Variants in PALS2 observed in about 807,000 individuals in gnomAD.
PALS2 encodes the protein protein PALS2.
In PALS2, 27 loss-of-function variants were observed where a neutral mutation model predicts 61.6. The ratio of observed to expected loss-of-function variants is 0.44; its 90% CI spans 0.32 to 0.60. The LOEUF (loss-of-function observed/expected upper bound fraction) is 0.60, where lower values mean the gene tolerates loss of function less well. Ranked by LOEUF, PALS2 falls within the 20% of genes least tolerant of loss-of-function variation. The pLI, the probability that PALS2 is intolerant of heterozygous loss-of-function variation, is 0.05. For synonymous variants in PALS2, 236 were observed against 218.6 expected, an observed-to-expected ratio of 1.08 and a Z score of -0.70; for missense variants, 554 against 639.4, an observed-to-expected ratio of 0.87 and a Z score of 1.44.
intron 2 of PALS2, among the ~76,000 whole-genome samples, chr7:24,633,146 C>G (rs1785075727): frequency 6.6e-6 from 1 of 151,516 alleles, no homozygotes; most frequent in Non-Finnish European, 1.5e-5. Flanking sequence ...TTTATTTTAC[C>G]TTTTTTTTCT....
At position 24,637,052 on chromosome 7, in the gene PALS2, A is replaced by C. The variant is rs377545231; in HGVS notation, c.118-4664A>C. On this transcript the variant is annotated intron_variant, in intron 2 of 11. Transcript: ENST00000222644. ...GAATACTATTAAAGCCAAGCTTTTA[A>C]AATGTTGTTTTTTCTTTTAAAAATT... Among the ~76,000 whole-genome samples, 15 of 152,274 alleles carry C rather than the reference A, an allele frequency of 9.9e-5. 1 individual carries two copies. The highest frequency in any genetic ancestry group is 7.2e-4 in the Admixed American group (11 of 15,304).
rs181646070 is a variant in PALS2, at chr7:24,599,166, C to G, written c.-2-24500C>G. On this transcript the variant is annotated intron_variant, in intron 1 of 11. Coordinates refer to ENST00000222644, the MANE Select transcript of PALS2 (RefSeq NM_001303037.2). ...CTAACACACACATAGATGGTATAGTCTGTTATACATGTGGGCTATTTGGCC... is the reference window on the plus strand; with the variant it reads ...CTAACACACACATAGATGGTATAGTGTGTTATACATGTGGGCTATTTGGCC... Among the ~76,000 whole-genome samples, 255 of 152,242 alleles carry G rather than the reference C, an allele frequency of 1.7e-3. 2 individuals are homozygous for G. Among genetic ancestry groups the G allele is most frequent in the Non-Finnish European group, 2.9e-4 (20 of 68,026 alleles).
chr7:24,599,161 A>T (rs748889213), intron 1 of PALS2, among the ~76,000 whole-genome samples: 2 of 152,154 alleles, frequency 1.3e-5, no homozygotes, highest in African/African-American at 4.8e-5. Context: ...CATAGATGGT[A>T]TAGTCTGTTA....
chr7:24,640,838 C>G (rs936452646), intron 2 of PALS2, among the ~76,000 whole-genome samples: 60 of 151,782 alleles, frequency 4.0e-4, no homozygotes, highest in Non-Finnish European at 3.1e-4. Context: ...GAAACCCTGT[C>G]TCTACTAAAA....
In PALS2 at chr7:24,676,369, C is replaced by G. The variant is rs917153119; in HGVS notation, c.1115-2762C>G. On this transcript the variant is annotated intron_variant, in intron 9 of 11. Transcript: ENST00000222644. ...TAGTTTCTTTTCCTGTGCAGAAGCT[C>G]TTTAGTTTAATTAGATCCCATTTGT... is the stretch of plus-strand genomic sequence containing the variant. 1.6e-4 allele frequency among the ~76,000 whole-genome samples: 24 copies of G among 151,336 alleles called. 1 individual carries two copies. The highest frequency in any genetic ancestry group is 3.1e-4 in the Non-Finnish European group (21 of 67,890).
intron 8 of PALS2, 92 bp downstream of exon 8, chr7:24,666,181 T>C (rs1402449001): frequency 8.8e-7 from 1 of 1,135,996 alleles, no homozygotes; most frequent in Non-Finnish European, 1.3e-6. Context: ...TTTAAGTGAG[T>C]GTAATTCAGA....
At position 24,663,482 on chromosome 7, in the gene PALS2, T is replaced by C. The variant is rs1166854473; in HGVS notation, c.652-108T>C. On this transcript the variant is annotated intron_variant, in intron 5 of 11. Coordinates refer to ENST00000222644, the MANE Select transcript of PALS2 (RefSeq NM_001303037.2). Reference sequence around the variant, plus strand: ...GAGACAAGTTCATTATCTGAAGTACTAAATACATTGTCAGTTACAATTAAA... The same window carrying C: ...GAGACAAGTTCATTATCTGAAGTACCAAATACATTGTCAGTTACAATTAAA... 22 of 1,085,854 alleles carry C rather than the reference T, an allele frequency of 2.0e-5. 2 individuals carry two copies. The African/African-American group carries it at 2.1e-4, about 10-fold the overall frequency. The allele number at this position is 1,085,854 out of a possible 1,614,324, so 67.3% of individuals were successfully genotyped here. A position where few individuals can be genotyped will look rare whatever the true frequency, so the allele number is the denominator to read the frequency against.
chr7:24,591,467 T>A (rs1047159467), intron 1 of PALS2, among the ~76,000 whole-genome samples: 20 of 152,090 alleles, frequency 1.3e-4, no homozygotes, highest in Non-Finnish European at 2.5e-4. Flanking sequence ...AATTTTAAAA[T>A]TTCATCCAAT....
rs1196460913 is a variant in PALS2, at chr7:24,687,857, A to C, written c.*243A>C. On this transcript the variant is annotated 3_prime_UTR_variant, in exon 12 of 12. Coordinates refer to ENST00000222644, the MANE Select transcript of PALS2 (RefSeq NM_001303037.2). This position sits in a 1 kb window ranked among gnomAD's most constrained non-coding sequence, Gnocchi z 4.5. ...TATGGATAATCTTTCTATTCATATCACATAAAGAAATGCGTTGAAGCATTT... is the reference window on the plus strand; with the variant it reads ...TATGGATAATCTTTCTATTCATATCCCATAAAGAAATGCGTTGAAGCATTT... The C allele has an allele frequency of 3.1e-6, 1 of 323,032 alleles. No homozygotes were observed. Among genetic ancestry groups the C allele is most frequent in the African/African-American group, 2.1e-5 (1 of 46,794 alleles). 20.0% of individuals were successfully genotyped at this position (323,032 alleles called of 1,614,324 possible). A position where few individuals can be genotyped will look rare whatever the true frequency, so the allele number is the denominator to read the frequency against.
At chr7:24,608,758 A>C in intron 1 of PALS2, among the ~76,000 whole-genome samples, 1 of 152,056 alleles carries the variant, frequency 6.6e-6, no homozygotes, top group East Asian at 1.9e-4. Flanking sequence ...CATTGCCACC[A>C]TGCCCAGCTA....
At chr7:24,592,076 C>A (rs559961129) in intron 1 of PALS2, among the ~76,000 whole-genome samples, 1 of 152,184 alleles carries the variant, frequency 6.6e-6, no homozygotes, top group East Asian at 1.9e-4. Context: ...TTTCTTCCAC[C>A]TCAGCTGGGA....
At chr7:24,603,872 A>G (rs1442920493) in intron 1 of PALS2, among the ~76,000 whole-genome samples, 1 of 152,200 alleles carries the variant, frequency 6.6e-6, no homozygotes. Context: ...ATAAATCTAG[A>G]GTTACTGTTA....
At chr7:24,634,320 T>G (rs905925840) in intron 2 of PALS2, among the ~76,000 whole-genome samples, 1 of 152,186 alleles carries the variant, frequency 6.6e-6, no homozygotes, top group Non-Finnish European at 1.5e-5. Flanking sequence ...AAGCTCTGCC[T>G]TCTGGGTTCA....
chr7:24,581,283 G>A (rs1486387313), intron 1 of PALS2, among the ~76,000 whole-genome samples: 1 of 142,420 alleles, frequency 7.0e-6, no homozygotes, highest in African/African-American at 2.7e-5. Flanking sequence ...GTGTGTGTGT[G>A]TGTGTGTCAG....
At chr7:24,661,678 T>C (rs1208080843) in intron 5 of PALS2, among the ~76,000 whole-genome samples, 4 of 152,216 alleles carry the variant, frequency 2.6e-5, no homozygotes, top group Admixed American at 2.6e-4. Flanking sequence ...TTCTATCATT[T>C]ATAACTTGCA....
At chr7:24,670,951 T>C (rs912858410) in intron 9 of PALS2, among the ~76,000 whole-genome samples, 5 of 152,166 alleles carry the variant, frequency 3.3e-5, no homozygotes, top group Non-Finnish European at 5.9e-5. Flanking sequence ...TTGGACTGTT[T>C]TATTTTTAGC....
Position 24,687,686 on chromosome 7 carries a change from A to T in PALS2, c.*72A>T. The T allele has an allele frequency of 3.6e-6, 5 of 1,396,244 alleles. No homozygotes were observed. Among genetic ancestry groups the T allele is most frequent in the Non-Finnish European group, 4.8e-6 (5 of 1,034,666 alleles). The allele number at this position is 1,396,244 out of a possible 1,614,324, so 86.5% of individuals were successfully genotyped here. On this transcript the variant is annotated 3_prime_UTR_variant, in exon 12 of 12. Transcript: ENST00000222644. This position sits in a 1 kb window ranked among gnomAD's most constrained non-coding sequence, Gnocchi z 4.5. ...TGCAACAAATAAACCTTCTACTGAG[A>T]AAATACATCACAGATAGAAGATTAT...
At chr7:24,667,086 A>T (rs898936158) in intron 8 of PALS2, 1 of 152,162 alleles carries the variant, frequency 6.6e-6, no homozygotes. Flanking sequence ...AAATTGTGCA[A>T]AGAAAGAGTT....
At chr7:24,658,083 C>T (rs1158256634) in intron 5 of PALS2, among the ~76,000 whole-genome samples, 2 of 152,114 alleles carry the variant, frequency 1.3e-5, no homozygotes, top group East Asian at 1.9e-4. Flanking sequence ...GAAGTTGTCC[C>T]ATGGGTCACT....
Sources: allele counts gnomAD v4.1 joint callset (sites outside exome capture counted in the v4.1 genomes callset), GRCh38; gene constraint gnomAD v4.1.1; non-coding constraint Gnocchi (gnomAD v3.1); transcripts MANE v1.5; gene names NCBI Gene and HGNC (gene_info 2026-07-23, HGNC 2026-07-21).